The following CIMIP7 variants were observed in gnomAD, a reference collection of about 807,000 sequenced individuals.
The protein encoded by CIMIP7 is uncharacterized protein C3orf84.
At chr3:49,182,182 C>G in the CIMIP7 span, among the ~76,000 whole-genome samples, 1 of 152,186 alleles carries the variant, frequency 6.6e-6, no homozygotes, top group African/African-American at 2.4e-5. Flanking sequence ...AACAAAGCCT[C>G]CACAGCGTGG....
the CIMIP7 span, among the ~76,000 whole-genome samples, chr3:49,181,023 A>G: frequency 6.6e-6 from 1 of 151,302 alleles, no homozygotes; most frequent in East Asian, 2.0e-4. Context: ...AAACTCCAAG[A>G]AGGTGGGAAG....
the CIMIP7 span, chr3:49,189,997 C>A: frequency 6.4e-7 from 1 of 1,558,990 alleles, no homozygotes; most frequent in Non-Finnish European, 8.9e-7. Flanking sequence ...GTCTAGTCAC[C>A]CCCGCTGCCT....
At chr3:49,182,809 C>T in the CIMIP7 span, among the ~76,000 whole-genome samples, 3 of 152,216 alleles carry the variant, frequency 2.0e-5, no homozygotes, top group African/African-American at 7.2e-5. Flanking sequence ...GAGCCCTGCC[C>T]CGCGGGAAGG....
the CIMIP7 span, among the ~76,000 whole-genome samples, chr3:49,187,942 A>T: frequency 6.6e-6 from 1 of 152,246 alleles, no homozygotes. Flanking sequence ...CCTTACATTG[A>T]TCAGCAGCCA....
At chr3:49,187,436 A>C in the CIMIP7 span, among the ~76,000 whole-genome samples, 17 of 152,142 alleles carry the variant, frequency 1.1e-4, no homozygotes, top group African/African-American at 4.1e-4. Context: ...TAAGAGAGGA[A>C]GCTCCTTGGC....
chr3:49,183,264 A>G, the CIMIP7 span, among the ~76,000 whole-genome samples: 185 of 152,384 alleles, frequency 1.2e-3, no homozygotes, highest in Middle Eastern at 0.017. Context: ...AATGGCTCCA[A>G]TTGAAAATGG....
the CIMIP7 span, chr3:49,189,799 C>T: frequency 1.4e-6 from 1 of 691,260 alleles, no homozygotes; most frequent in Non-Finnish European, 2.8e-6. Flanking sequence ...GGCCCTTACC[C>T]TTTGTCCATC....
At chr3:49,179,597 A>AT in the CIMIP7 span, among the ~76,000 whole-genome samples, 1 of 151,948 alleles carries the variant, frequency 6.6e-6, no homozygotes, top group Non-Finnish European at 1.5e-5. Flanking sequence ...TGGCCATATA[A>AT]TTCCCTCACA....
chr3:49,186,704 A>G, the CIMIP7 span, among the ~76,000 whole-genome samples: 1 of 152,180 alleles, frequency 6.6e-6, no homozygotes, highest in African/African-American at 2.4e-5. Flanking sequence ...CACCCAGCCT[A>G]TAGCCACCAC....
the CIMIP7 span, among the ~76,000 whole-genome samples, chr3:49,183,656 A>C: frequency 6.6e-6 from 1 of 152,240 alleles, no homozygotes. Context: ...CTCTGTCTCG[A>C]AAACAAAACA....
the CIMIP7 span, among the ~76,000 whole-genome samples, chr3:49,180,211 G>A: frequency 6.6e-6 from 1 of 152,190 alleles, no homozygotes. Context: ...GGGAGGCAGA[G>A]GTTGCAGTGA....
the CIMIP7 span, chr3:49,178,417 G>A: frequency 2.0e-6 from 3 of 1,466,300 alleles, no homozygotes; most frequent in Non-Finnish European, 2.9e-6. Flanking sequence ...CCTACCATCT[G>A]CTCTGTCCAG....
the CIMIP7 span, among the ~76,000 whole-genome samples, chr3:49,183,878 A>T: frequency 6.6e-6 from 1 of 152,396 alleles, no homozygotes. Context: ...GGTACCAAGG[A>T]AATACTACTC....
chr3:49,189,088 G>T, the CIMIP7 span, among the ~76,000 whole-genome samples: 107 of 151,778 alleles, frequency 7.0e-4, no homozygotes, highest in African/African-American at 2.5e-3. Flanking sequence ...TCCTGCCTTA[G>T]CCTCCCGAAT....
the CIMIP7 span, among the ~76,000 whole-genome samples, chr3:49,180,482 G>A: frequency 6.6e-6 from 1 of 152,192 alleles, no homozygotes; most frequent in African/African-American, 2.4e-5. Context: ...TTCTCCTGCT[G>A]TAGACCTGAA....
chr3:49,190,152 G>T, the CIMIP7 span: 1 of 1,569,034 alleles, frequency 6.4e-7, no homozygotes, highest in Non-Finnish European at 8.7e-7. Context: ...TAACAAGACA[G>T]GAATGAGGAT....
the CIMIP7 span, among the ~76,000 whole-genome samples, chr3:49,184,737 T>C: frequency 6.6e-6 from 1 of 151,058 alleles, no homozygotes; most frequent in South Asian, 2.1e-4. Flanking sequence ...CAAGCACTTC[T>C]CCTGCCTCAG....
At chr3:49,189,872 G>T in the CIMIP7 span, 2 of 763,538 alleles carry the variant, frequency 2.6e-6, no homozygotes, top group Non-Finnish European at 4.9e-6. Context: ...CTGTCTGTAG[G>T]GGAAAGATCT....
the CIMIP7 span, chr3:49,178,144 T>C: frequency 1.6e-5 from 20 of 1,232,530 alleles, no homozygotes; most frequent in African/African-American, 3.0e-4. Context: ...GTGATACCTG[T>C]CCTATGCCTG....
Sources: gnomAD v4.1 joint callset for allele counts (sites outside exome capture counted in the v4.1 genomes callset) on GRCh38, gnomAD v4.1.1 for gene constraint, MANE v1.5 for transcripts, NCBI Gene and HGNC (gene_info 2026-07-23, HGNC 2026-07-21) for gene names.